The following CNTN4 variants were observed in gnomAD, a reference collection of about 807,000 sequenced individuals.
CNTN4 encodes the protein contactin-4.
A neutral mutation model predicts 122.5 loss-of-function variants in CNTN4; 77 were observed. That is an observed-to-expected ratio of 0.63 (90% CI 0.52 to 0.76). CNTN4 has a LOEUF of 0.76. CNTN4 is among the 30% of genes least tolerant of loss of function. The probability of loss-of-function intolerance (pLI) is 0.00; values close to 1 mark genes in which losing one functional copy is unlikely to be tolerated. For synonymous variants in CNTN4, 512 were observed against 447.0 expected (o/e 1.15, Z -1.83); for missense variants, 1,256 against 1,259.1 (o/e 1.00, Z 0.04).
chr3:2,901,549 G>A (rs2094173632), intron 11 of CNTN4, among the ~76,000 whole-genome samples: 1 of 152,132 alleles, frequency 6.6e-6, no homozygotes, highest in Non-Finnish European at 1.5e-5. Flanking sequence ...AATTATAAAA[G>A]CCAAACTCAG....
intron 10 of CNTN4, among the ~76,000 whole-genome samples, chr3:2,894,552 G>T (rs970627340): frequency 6.6e-6 from 1 of 152,174 alleles, no homozygotes. Flanking sequence ...TGTGCATAAA[G>T]TGAAGCTGAT....
intron 2 of CNTN4, among the ~76,000 whole-genome samples, chr3:2,117,072 T>C (rs1020849695): frequency 2.0e-5 from 3 of 152,116 alleles, no homozygotes; most frequent in African/African-American, 7.2e-5. Context: ...AGAGATAGTC[T>C]CAGATCACAG....
At chr3:2,129,985 T>G (rs2034375097) in intron 2 of CNTN4, among the ~76,000 whole-genome samples, 1 of 152,084 alleles carries the variant, frequency 6.6e-6, no homozygotes, top group African/African-American at 2.4e-5. Flanking sequence ...CACCCAAAAC[T>G]ATTTCTACTG....
intron 14 of CNTN4, among the ~76,000 whole-genome samples, chr3:2,997,968 T>A (rs952154812): frequency 6.6e-6 from 1 of 152,234 alleles, no homozygotes. Flanking sequence ...CTTTTCTCTC[T>A]CTTCAAAAGT....
chr3:2,854,126 A>C (rs11712375), intron 7 of CNTN4, among the ~76,000 whole-genome samples: 1 of 152,042 alleles, frequency 6.6e-6, no homozygotes. Flanking sequence ...TTTATTTTGA[A>C]AAGGATAGTT....
At chr3:2,374,654 G>A (rs62244055) in intron 3 of CNTN4, among the ~76,000 whole-genome samples, 12 of 151,928 alleles carry the variant, frequency 7.9e-5, no homozygotes, top group Non-Finnish European at 1.8e-4. Context: ...AGAAAAAAAG[G>A]CCATGCTTCT....
intron 2 of CNTN4, among the ~76,000 whole-genome samples, chr3:2,161,482 G>A (rs2035965906): frequency 6.6e-6 from 1 of 152,014 alleles, no homozygotes; most frequent in South Asian, 2.1e-4. Flanking sequence ...GAAATACAAA[G>A]AGGTACAAGG....
intron 6 of CNTN4, among the ~76,000 whole-genome samples, chr3:2,807,032 C>T (rs1436122713): frequency 6.6e-6 from 1 of 152,170 alleles, no homozygotes; most frequent in African/African-American, 2.4e-5. Flanking sequence ...ACATTAAGCT[C>T]TTTGAGAAGA....
At chr3:2,796,870 T>C (rs2092200858) in intron 6 of CNTN4, among the ~76,000 whole-genome samples, 1 of 152,210 alleles carries the variant, frequency 6.6e-6, no homozygotes, top group Non-Finnish European at 1.5e-5. Flanking sequence ...GAGTTAACTT[T>C]CCAAAACCCA....
chr3:2,326,155 T>G (rs973517845), intron 2 of CNTN4, among the ~76,000 whole-genome samples: 2 of 152,182 alleles, frequency 1.3e-5, no homozygotes, highest in African/African-American at 4.8e-5. Flanking sequence ...GGGTGGGCCT[T>G]ATGCAATCAG....
chr3:2,217,182 G>T (rs1449280787), intron 2 of CNTN4, among the ~76,000 whole-genome samples: 1 of 152,086 alleles, frequency 6.6e-6, no homozygotes, highest in Non-Finnish European at 1.5e-5. Context: ...GCTTTTCTGT[G>T]ACATGAGTCT....
In CNTN4 at chr3:2,806,197, A is replaced by G. The variant is rs368153000; in HGVS notation, c.359-13289A>G. ...ATTACAGGCGTGAGCCACCGCGCCC[A>G]GCCTCTCATAGCACTTTCTTATACT... is the stretch of plus-strand genomic sequence containing the variant. On this transcript the variant is annotated intron_variant, in intron 6 of 24. Coordinates refer to ENST00000418658, the MANE Select transcript of CNTN4 (RefSeq NM_175607.3). Among the ~76,000 whole-genome samples, 29 of 152,224 alleles carry G rather than the reference A, an allele frequency of 1.9e-4. No homozygotes were observed. In the East Asian group the frequency reaches 4.6e-3, roughly 24 times the overall value.
chr3:2,921,950 C>A (rs62232815), intron 12 of CNTN4, among the ~76,000 whole-genome samples: 39,555 of 152,064 alleles, frequency 0.26, 6,163 homozygotes, highest in Non-Finnish European at 0.35. Flanking sequence ...AGATGCTTCT[C>A]ATAGATAATC....
At chr3:2,988,158 T>A (rs1472568424) in intron 13 of CNTN4, among the ~76,000 whole-genome samples, 187 bp from the exon 14 acceptor site, 1 of 152,158 alleles carries the variant, frequency 6.6e-6, no homozygotes, top group Admixed American at 6.5e-5. Flanking sequence ...ACTAAACAAG[T>A]CACATGTCTC....
At chr3:2,853,388 G>A (rs1310884980) in intron 7 of CNTN4, among the ~76,000 whole-genome samples, 2 of 152,062 alleles carry the variant, frequency 1.3e-5, no homozygotes, top group African/African-American at 4.8e-5. Context: ...GAGGCTACAG[G>A]TGCCCACGAC....
At chr3:2,628,771 G>C (rs2082304039) in intron 4 of CNTN4, among the ~76,000 whole-genome samples, 1 of 152,210 alleles carries the variant, frequency 6.6e-6, no homozygotes, top group African/African-American at 2.4e-5. Context: ...ATGTAGTCTT[G>C]TGATAATTCA....
rs575782795 is a variant in CNTN4, at chr3:2,186,427, T to G, written c.-145+85788T>G. Among the ~76,000 whole-genome samples the G allele has an allele frequency of 2.8e-3, 422 of 152,290 alleles. 2 individuals are homozygous for G. The highest frequency in any genetic ancestry group is 9.3e-3 in the African/African-American group (386 of 41,568). On this transcript the variant is annotated intron_variant, in intron 2 of 24. Transcript: ENST00000418658. ...TGTGTTTATAGCAGCATGATTTATA[T>G]TCCTTTGAGTATATACCCATTAATG... is the stretch of plus-strand genomic sequence containing the variant.
At chr3:2,188,308 T>G (rs73098024) in intron 2 of CNTN4, among the ~76,000 whole-genome samples, 3,787 of 152,242 alleles carry the variant, frequency 0.025, 150 homozygotes, top group African/African-American at 0.087. Context: ...TCCCTAGGAT[T>G]CTGTAGGCCT....
At chr3:2,197,850 A>G (rs543647775) in intron 2 of CNTN4, among the ~76,000 whole-genome samples, 15 of 152,146 alleles carry the variant, frequency 9.9e-5, no homozygotes, top group African/African-American at 2.9e-4. Context: ...CCCCGTCTCT[A>G]TTAAAAATAC....
Sources: gnomAD v4.1 joint callset for allele counts (sites outside exome capture counted in the v4.1 genomes callset) on GRCh38, gnomAD v4.1.1 for gene constraint, MANE v1.5 for transcripts, NCBI Gene and HGNC (gene_info 2026-07-23, HGNC 2026-07-21) for gene names.